Variants in PDZRN3 observed in about 807,000 individuals in gnomAD.
PDZRN3 encodes the protein PDZ domain containing ring finger 3.
In PDZRN3, 38 loss-of-function variants were observed where a neutral mutation model predicts 85.7. That is an observed-to-expected ratio of 0.44 (90% CI 0.34 to 0.58). The LOEUF is 0.58. Among genes scored for constraint, PDZRN3 ranks in the 20% least tolerant of loss-of-function variants. The pLI, the probability that PDZRN3 is intolerant of heterozygous loss-of-function variation, is 0.01. For missense variants in PDZRN3, 1,629 were observed against 1,506.4 expected, an observed-to-expected ratio of 1.08 and a Z score of -1.35; for synonymous variants, 759 against 638.0, an observed-to-expected ratio of 1.19 and a Z score of -2.86.
chr3:73,446,212 T>A (rs1702745390), intron 3 of PDZRN3, among the ~76,000 whole-genome samples: 1 of 152,222 alleles, frequency 6.6e-6, no homozygotes, highest in Non-Finnish European at 1.5e-5. Context: ...GCCCACCTTC[T>A]CTTTGAGTCC....
At chr3:73,572,528 G>A (rs926029284) in intron 3 of PDZRN3, among the ~76,000 whole-genome samples, 2 of 152,150 alleles carry the variant, frequency 1.3e-5, no homozygotes, top group Non-Finnish European at 2.9e-5. Context: ...CAGGCTATCT[G>A]GGGATCTCTG....
At chr3:73,601,309 C>T (rs532959470) in intron 3 of PDZRN3, among the ~76,000 whole-genome samples, 2 of 152,332 alleles carry the variant, frequency 1.3e-5, no homozygotes, top group African/African-American at 2.4e-5. Context: ...CTAGCTCCCA[C>T]TCAGTCCTAA....
chr3:73,611,600 G>A (rs866418989), intron 1 of PDZRN3, among the ~76,000 whole-genome samples: 21 of 152,146 alleles, frequency 1.4e-4, no homozygotes, highest in Admixed American at 6.5e-5. Flanking sequence ...TAGAAGATTC[G>A]ACACAGGATG....
At chr3:73,528,906 A>G (rs1348130533) in intron 3 of PDZRN3, among the ~76,000 whole-genome samples, 1 of 151,942 alleles carries the variant, frequency 6.6e-6, no homozygotes, top group Non-Finnish European at 1.5e-5. Context: ...ACACACACAC[A>G]CACACACACA....
At chr3:73,451,038 C>G (rs999717730) in intron 3 of PDZRN3, among the ~76,000 whole-genome samples, 3 of 152,100 alleles carry the variant, frequency 2.0e-5, no homozygotes, top group African/African-American at 7.2e-5. Context: ...GACCTGTAAA[C>G]TGCAAGTCAG....
chr3:73,520,344 A>C (rs908117135), intron 3 of PDZRN3, among the ~76,000 whole-genome samples: 1 of 152,090 alleles, frequency 6.6e-6, no homozygotes, highest in African/African-American at 2.4e-5. Flanking sequence ...GTCTCTATTA[A>C]AAATGAAAAA....
At chr3:73,612,430 T>C (rs954199325) in intron 1 of PDZRN3, among the ~76,000 whole-genome samples, 2 of 152,180 alleles carry the variant, frequency 1.3e-5, no homozygotes, top group Non-Finnish European at 2.9e-5. Context: ...ATCTGGCAAT[T>C]AGAGTTTTAA....
intron 3 of PDZRN3, among the ~76,000 whole-genome samples, chr3:73,436,185 G>A (rs1360551620): frequency 6.6e-6 from 1 of 152,106 alleles, no homozygotes; most frequent in African/African-American, 2.4e-5. Context: ...CCTTTGCATC[G>A]CTTTCCAAAA....
In PDZRN3 at chr3:73,534,811, C is replaced by T. The variant is rs945694509; in HGVS notation, c.918+67543G>A. On this transcript the variant is annotated intron_variant, in intron 3 of 9. Coordinates refer to ENST00000263666, the MANE Select transcript of PDZRN3 (RefSeq NM_015009.3). ...GAGGCTCAGAAAAGAGGGTAGATGT[C>T]ATTTCTATCTTTCTAATAGTTTGCT... Among the ~76,000 whole-genome samples, 3 of 152,184 alleles carry T rather than the reference C, an allele frequency of 2.0e-5. No homozygotes were observed. In the East Asian group the frequency reaches 5.8e-4, roughly 29 times the overall value.
chr3:73,539,333 A>G (rs1026116874), intron 3 of PDZRN3, among the ~76,000 whole-genome samples: 1 of 152,238 alleles, frequency 6.6e-6, no homozygotes, highest in African/African-American at 2.4e-5. Flanking sequence ...AGAAGTCATT[A>G]GAGACAATCA....
chr3:73,623,919 G>C (rs1314620962), intron 1 of PDZRN3, 184 bp downstream of exon 1: 2 of 526,566 alleles, frequency 3.8e-6, no homozygotes, highest in Non-Finnish European at 6.4e-6. Flanking sequence ...GGACCACAGT[G>C]TTCCACCTCA....
intron 3 of PDZRN3, among the ~76,000 whole-genome samples, chr3:73,481,616 C>T (rs899780315): frequency 1.3e-5 from 2 of 151,600 alleles, no homozygotes; most frequent in South Asian, 4.2e-4. Context: ...AGGCGTAAGC[C>T]ACCACACCTG....
At position 73,384,022 on chromosome 3, in the gene PDZRN3, G is replaced by C. The variant is rs199550626; in HGVS notation, c.2544C>G (p.Ser848Arg). Reference sequence around the variant, plus strand: ...TGCCCAGCTTCTGGCTGGGCGTGGGGCTCCGGCTCCCGTCGCTGGCTCTCC... The same window carrying C: ...TGCCCAGCTTCTGGCTGGGCGTGGGCCTCCGGCTCCCGTCGCTGGCTCTCC... ...KERRASDGSRSPTPSQKLGSA... is the reference protein window; with the variant it reads ...KERRASDGSRRPTPSQKLGSA... Residue 848 changes from serine to arginine, a missense_variant, in exon 10 of 10, where the codon AGC (serine) becomes AGG (arginine). Ser to Arg is a moderately radical substitution (Grantham distance 110). Coordinates refer to ENST00000263666, the MANE Select transcript of PDZRN3 (RefSeq NM_015009.3). The C allele has an allele frequency of 1.9e-6, 3 of 1,591,922 alleles. No homozygotes were observed. The highest frequency in any genetic ancestry group is 2.3e-5 in the South Asian group (2 of 87,526).
chr3:73,479,709 C>T (rs1396413229), intron 3 of PDZRN3, among the ~76,000 whole-genome samples: 2 of 152,196 alleles, frequency 1.3e-5, no homozygotes, highest in African/African-American at 2.4e-5. Context: ...CCAAAAATCC[C>T]ATCTCCCCTG....
chr3:73,468,619 C>A (rs936459072), intron 3 of PDZRN3, among the ~76,000 whole-genome samples: 2 of 152,134 alleles, frequency 1.3e-5, no homozygotes, highest in African/African-American at 4.8e-5. Flanking sequence ...ACACAAAAGG[C>A]ATCATTACCA....
At chr3:73,604,346 A>C (rs1702562303) in intron 2 of PDZRN3, among the ~76,000 whole-genome samples, 1 of 152,214 alleles carries the variant, frequency 6.6e-6, no homozygotes, top group Non-Finnish European at 1.5e-5. Context: ...GCACTGTTTA[A>C]TCCTCACAAT....
In PDZRN3 at chr3:73,384,222, C is replaced by G; in HGVS notation, c.2344G>C (p.Ala782Pro). The change falls in exon 10 of 10, where the codon GCG (alanine) becomes CCG (proline). Residue 782 changes from alanine (A) to proline (P), a missense_variant. By Grantham distance (27) the Ala-to-Pro change is conservative (BLOSUM62 -1). Coordinates refer to ENST00000263666, the MANE Select transcript of PDZRN3 (RefSeq NM_015009.3). ...EISPDNSLRR[A>P]AEGISCPSSE... is the part of the protein sequence containing the mutation. The stretch of plus-strand genomic sequence containing the variant: ...CTCGGGCAGCTGATGCCCTCCGCCG[C>G]TCTCCTCAAGGAGTTGTCGGGGGAG... The G allele has an allele frequency of 6.2e-7, 1 of 1,613,756 alleles. No individual in the cohort carries two copies. The highest frequency in any genetic ancestry group is 8.5e-7 in the Non-Finnish European group (1 of 1,180,018).
At chr3:73,546,330 C>T (rs547662822) in intron 3 of PDZRN3, among the ~76,000 whole-genome samples, 28 of 152,258 alleles carry the variant, frequency 1.8e-4, no homozygotes, top group Non-Finnish European at 3.8e-4. Context: ...CAACACAAAA[C>T]GAAGACAATC....
rs36036904 is a variant in PDZRN3, at chr3:73,390,654, T to TGTGTGTGAGAGA, written c.1353+363_1353+364insTCTCTCACACAC. Among the ~76,000 whole-genome samples the TGTGTGTGAGAGA allele has an allele frequency of 2.0e-3, 279 of 140,048 alleles. 2 individuals are homozygous for TGTGTGTGAGAGA. Among genetic ancestry groups the TGTGTGTGAGAGA allele is most frequent in the Admixed American group, 3.0e-3 (42 of 14,032 alleles). The allele number at this position is 140,048 out of a possible 152,430, so 91.9% of individuals were successfully genotyped here. A position where few individuals can be genotyped will look rare whatever the true frequency, so the allele number is the denominator to read the frequency against. On this transcript the variant is annotated intron_variant, in intron 6 of 9. Transcript: ENST00000263666. ...AAAAAAATGTGTGTGTGTGTGTGTG[T>TGTGTGTGAGAGA]GAGAGAGAGAGAGAGAGAGGCTTTA...
Sources: allele counts gnomAD v4.1 joint callset (sites outside exome capture counted in the v4.1 genomes callset), GRCh38; gene constraint gnomAD v4.1.1; transcripts MANE v1.5; gene names NCBI Gene and HGNC (gene_info 2026-07-23, HGNC 2026-07-21).